The following HYDIN variants were observed in gnomAD, a reference collection of about 807,000 sequenced individuals.
The protein encoded by HYDIN is axonemal central pair apparatus protein HYDIN.
Under a neutral mutation model 403.9 loss-of-function variants are expected in HYDIN, and 132 were observed. The ratio of observed to expected loss-of-function variants is 0.33; its 90% CI spans 0.28 to 0.38. The LOEUF (loss-of-function observed/expected upper bound fraction) is 0.38, where lower values mean the gene tolerates loss of function less well. Ranked by LOEUF, HYDIN falls within the 10% of genes least tolerant of loss-of-function variation. HYDIN has a pLI of 1.00. For synonymous variants in HYDIN, 1,202 were observed against 1,891.7 expected (o/e 0.64, Z 9.46); for missense variants, 2,827 against 5,009.5 (o/e 0.56, Z 13.15).
At chr16:71,010,507 C>G (rs890295445) in intron 23 of HYDIN, among the ~76,000 whole-genome samples, 4 of 151,668 alleles carry the variant, frequency 2.6e-5, no homozygotes, top group African/African-American at 9.7e-5. Flanking sequence ...CAGAGAGGCA[C>G]CCATCTCCTC....
chr16:71,053,613 C>T (rs1181886274), intron 18 of HYDIN, among the ~76,000 whole-genome samples: 4 of 143,016 alleles, frequency 2.8e-5, no homozygotes, highest in Non-Finnish European at 4.7e-5. Flanking sequence ...AACAACATGC[C>T]ACAATATAGT....
intron 1 of HYDIN, among the ~76,000 whole-genome samples, chr16:71,194,629 G>T (rs771128262): frequency 1.3e-5 from 2 of 152,076 alleles, no homozygotes; most frequent in Non-Finnish European, 2.9e-5. Flanking sequence ...CTAACAAATT[G>T]CCCCAAAACT....
chr16:71,195,927 A>G (rs79572452), intron 1 of HYDIN, among the ~76,000 whole-genome samples: 1 of 152,216 alleles, frequency 6.6e-6, no homozygotes, highest in Non-Finnish European at 1.5e-5. Context: ...AAACTGTAGA[A>G]GTTTCCAGGT....
At position 70,868,570 on chromosome 16, in the gene HYDIN, T is replaced by A. The variant is rs747650730; in HGVS notation, c.11310A>T (p.Lys3770Asn). Residue 3770 changes from lysine to asparagine, a missense_variant and splice_region_variant, in exon 66 of 86, where the codon AAA becomes AAT. By Grantham distance (94) the Lys-to-Asn change is moderately conservative. Coordinates refer to ENST00000393567, the MANE Select transcript of HYDIN (RefSeq NM_001270974.2). ...ATTGGTGCTTGATGTCCCCACTTAC[T>A]TTTCGTTTTGTAGTGAAAGTCCCAG... ...NMPGTFTTKRKVIETDPEPAH... is the reference protein window; with the variant it reads ...NMPGTFTTKRNVIETDPEPAH... 79 of 1,609,910 alleles carry A rather than the reference T, an allele frequency of 4.9e-5. No individual in the cohort carries two copies. Among genetic ancestry groups the A allele is most frequent in the Non-Finnish European group, 6.4e-5 (75 of 1,179,144 alleles).
chr16:70,958,249 ATAACT>A (rs1365249432), intron 39 of HYDIN, among the ~76,000 whole-genome samples: 1 of 151,426 alleles, frequency 6.6e-6, no homozygotes, highest in Non-Finnish European at 1.5e-5. Context: ...AAGGGGAAAA[ATAACT>A]TATATTGATC....
At chr16:71,213,312 A>G (rs1051682859) in intron 1 of HYDIN, among the ~76,000 whole-genome samples, 1 of 152,130 alleles carries the variant, frequency 6.6e-6, no homozygotes, top group Admixed American at 6.5e-5. Flanking sequence ...GAATTTAAAA[A>G]ATAATAATAG....
At chr16:71,030,760 T>C (rs898057278) in intron 19 of HYDIN, among the ~76,000 whole-genome samples, 2 of 152,226 alleles carry the variant, frequency 1.3e-5, no homozygotes, top group African/African-American at 2.4e-5. Context: ...CACATTTAGA[T>C]TGTTCTGCTC....
chr16:70,980,809 A>C (rs1034982777), intron 29 of HYDIN, among the ~76,000 whole-genome samples: 2 of 152,192 alleles, frequency 1.3e-5, no homozygotes, highest in African/African-American at 4.8e-5. Context: ...TATGGCTAAA[A>C]GGGCTGCTCA....
intron 29 of HYDIN, among the ~76,000 whole-genome samples, chr16:70,980,459 T>C (rs1157081584): frequency 2.0e-5 from 3 of 150,566 alleles, no homozygotes; most frequent in East Asian, 3.9e-4. Context: ...TGAGCTCTGA[T>C]TGCACCACTG....
chr16:70,991,507 C>T (rs1258334495), intron 24 of HYDIN, 111 bp from the exon 25 acceptor site: 23 of 1,503,982 alleles, frequency 1.5e-5, no homozygotes, highest in Admixed American at 6.2e-5. Flanking sequence ...CACCCCCAAA[C>T]GTAAGGGGGA....
At chr16:70,850,793 G>A (rs2038588146) in intron 73 of HYDIN, 138 bp from the exon 74 acceptor site, 2 of 695,024 alleles carry the variant, frequency 2.9e-6, no homozygotes, top group Non-Finnish European at 4.7e-6. Flanking sequence ...AAGATTTGTG[G>A]CTATAGTAAC....
intron 50 of HYDIN, among the ~76,000 whole-genome samples, chr16:70,905,440 G>A (rs1435385027): frequency 2.0e-5 from 3 of 151,774 alleles, no homozygotes; most frequent in African/African-American, 4.8e-5. Flanking sequence ...CTCGGAGTTC[G>A]AGACCAGCCT....
chr16:71,230,444 GA>G lies in HYDIN; in HGVS notation c.-24+117del, dbSNP rs1764705198. On this transcript the variant is annotated intron_variant, in intron 1 of 85. Transcript: ENST00000393567. ...GAAGGCTGAGGAGGGGAGGGGTCTG[GA>G]AAGTCTGGAGAACGCCTGGGACGCA... 11 of 1,256,788 alleles carry G rather than the reference GA, an allele frequency of 8.8e-6. No homozygotes were observed. The South Asian group carries it at 1.7e-4, about 19-fold the overall frequency. The allele number at this position is 1,256,788 out of a possible 1,614,324, so 77.9% of individuals were successfully genotyped here.
At chr16:71,117,455 C>T (rs2084084354) in intron 9 of HYDIN, among the ~76,000 whole-genome samples, 1 of 151,972 alleles carries the variant, frequency 6.6e-6, no homozygotes. Flanking sequence ...GCCCCATGCT[C>T]AGTCAGAACT....
intron 52 of HYDIN, among the ~76,000 whole-genome samples, chr16:70,901,879 C>T (rs2968367): frequency 6.8e-6 from 1 of 147,592 alleles, no homozygotes; most frequent in Admixed American, 6.8e-5. Flanking sequence ...CCACTGCACC[C>T]GGCCAAGCAT....
At chr16:71,039,397 A>G (rs1597615458) in intron 18 of HYDIN, among the ~76,000 whole-genome samples, 1 of 152,280 alleles carries the variant, frequency 6.6e-6, no homozygotes, top group East Asian at 1.9e-4. Context: ...CGGGGGGCAG[A>G]GGAATTCTAG....
At chr16:71,214,656 G>T (rs912598554) in intron 1 of HYDIN, among the ~76,000 whole-genome samples, 1 of 152,134 alleles carries the variant, frequency 6.6e-6, no homozygotes, top group Non-Finnish European at 1.5e-5. Flanking sequence ...CATATTCCTT[G>T]ACCAGTGGGA....
At chr16:70,871,840 G>C (rs577882681) in intron 65 of HYDIN, among the ~76,000 whole-genome samples, 197 bp downstream of exon 65, 1 of 134,590 alleles carries the variant, frequency 7.4e-6, no homozygotes, top group Non-Finnish European at 1.6e-5. Flanking sequence ...TTCATTCTCC[G>C]TCTTCCCCTC....
intron 1 of HYDIN, among the ~76,000 whole-genome samples, chr16:71,191,561 G>A (rs1287912101): frequency 6.6e-6 from 1 of 152,134 alleles, no homozygotes; most frequent in Non-Finnish European, 1.5e-5. Context: ...ACTACACCCA[G>A]GCTGTTAGGA....
Sources: gnomAD v4.1 joint callset for allele counts (sites outside exome capture counted in the v4.1 genomes callset) on GRCh38, gnomAD v4.1.1 for gene constraint, MANE v1.5 for transcripts, NCBI Gene and HGNC (gene_info 2026-07-23, HGNC 2026-07-21) for gene names.